The following ZBED6 variants were observed in gnomAD, a reference collection of about 807,000 sequenced individuals.
ZBED6 encodes the protein zinc finger BED domain-containing protein 6.
Under a neutral mutation model 58.4 loss-of-function variants are expected in ZBED6, and 40 were observed. The ratio of observed to expected loss-of-function variants is 0.68; its 90% CI spans 0.53 to 0.89. The LOEUF (loss-of-function observed/expected upper bound fraction) is 0.89. Ranked by LOEUF, ZBED6 falls within the 40% of genes least tolerant of loss-of-function variation. ZBED6 has a pLI of 0.00. For missense variants in ZBED6, 1,057 were observed against 1,003.9 expected (o/e 1.05, Z -0.71); for synonymous variants, 439 against 350.6 (o/e 1.25, Z -2.82).
exon 1 of ZBED6, chr1:203,799,742 T>A: frequency 1.3e-6 from 1 of 799,420 alleles, no homozygotes; most frequent in East Asian, 2.7e-5. Context: ...AGGCCCTCAA[T>A]CTGGTGGATA....
At chr1:203,842,924 CT>C (rs35820616) in intron 11 of ZBED6, among the ~76,000 whole-genome samples, 8 of 146,748 alleles carry the variant, frequency 5.5e-5, no homozygotes, top group East Asian at 2.0e-4. Context: ...AGCCTTCCGT[CT>C]TTTTTTTTTT....
chr1:203,850,740 C>CT lies in ZBED6; in HGVS notation c.*4805+60dup, dbSNP rs1689058324. Reference sequence around the variant, plus strand: ...CTGTGTGGTAGGAAAGCAGGAAAGACTAACTCTCCACTAGCATTCTATCTT... The same window carrying CT: ...CTGTGTGGTAGGAAAGCAGGAAAGACTTAACTCTCCACTAGCATTCTATCTT... On this transcript the variant is annotated intron_variant, in intron 15 of 16. Transcript: ENST00000550078. 5.7e-6 allele frequency: 9 copies of CT among 1,569,188 alleles called. No homozygotes were observed. In the South Asian group the frequency reaches 1.0e-4, roughly 18 times the overall value.
At position 203,850,958 on chromosome 1, in the gene ZBED6, A is replaced by C. The variant is rs1193737937; in HGVS notation, c.*4806-99A>C. 3.6e-6 allele frequency: 5 copies of C among 1,398,826 alleles called. No individual in the cohort carries two copies. In the East Asian group the frequency reaches 9.1e-5, roughly 26 times the overall value. 86.7% of individuals were successfully genotyped at this position (1,398,826 alleles called of 1,614,324 possible). Reference sequence around the variant, plus strand: ...GATTCTTAGATTCACAGGCTTAAAGAATCATAGCCACAATTCTAAGAAGGC... The same window carrying C: ...GATTCTTAGATTCACAGGCTTAAAGCATCATAGCCACAATTCTAAGAAGGC... On this transcript the variant is annotated intron_variant, in intron 15 of 16. Transcript: ENST00000550078.
At chr1:203,820,637 C>T (rs995460893) in intron 3 of ZBED6, among the ~76,000 whole-genome samples, 10 of 152,010 alleles carry the variant, frequency 6.6e-5, no homozygotes, top group African/African-American at 2.2e-4. Context: ...CTCACCACAC[C>T]CGTCTAATTT....
At chr1:203,820,153 T>G (rs914431081) in intron 3 of ZBED6, among the ~76,000 whole-genome samples, 2 of 151,362 alleles carry the variant, frequency 1.3e-5, no homozygotes, top group East Asian at 4.0e-4. Context: ...GAGAATCGCT[T>G]GAACCTGGGA....
intron 1 of ZBED6, among the ~76,000 whole-genome samples, chr1:203,805,142 G>A (rs1671863433): frequency 1.0e-5 from 1 of 99,490 alleles, no homozygotes; most frequent in African/African-American, 3.7e-5. Flanking sequence ...ATACAGTAGT[G>A]ATTTTTTTTT....
chr1:203,820,783 A>G (rs1402545132), intron 3 of ZBED6, among the ~76,000 whole-genome samples: 1 of 151,998 alleles, frequency 6.6e-6, no homozygotes, highest in Non-Finnish European at 1.5e-5. Context: ...GGCGAATGGT[A>G]TTTTTGTTGC....
intron 3 of ZBED6, among the ~76,000 whole-genome samples, chr1:203,827,722 A>G (rs1051342728): frequency 6.6e-6 from 1 of 151,976 alleles, no homozygotes; most frequent in South Asian, 2.1e-4. Context: ...AAGGATACCT[A>G]ACATCCTTAG....
At chr1:203,839,614 A>G (rs1267539233) in intron 10 of ZBED6, among the ~76,000 whole-genome samples, 2 of 152,106 alleles carry the variant, frequency 1.3e-5, no homozygotes, top group Non-Finnish European at 2.9e-5. Flanking sequence ...TCTTTGCCAC[A>G]TTGTTTTCCT....
chr1:203,846,916 A>G (rs1688056850), intron 11 of ZBED6, among the ~76,000 whole-genome samples: 1 of 152,072 alleles, frequency 6.6e-6, no homozygotes, highest in African/African-American at 2.4e-5. Context: ...AGGCAGGAGA[A>G]TCACTTGAAC....
intron 1 of ZBED6, chr1:203,805,923 C>A: frequency 1.5e-6 from 1 of 666,094 alleles, no homozygotes; most frequent in Non-Finnish European, 2.8e-6. Context: ...TGTCTACCTT[C>A]ATTTCCTTTG....
chr1:203,809,175 T>TTG (rs1673431156), intron 1 of ZBED6, among the ~76,000 whole-genome samples: 1 of 136,368 alleles, frequency 7.3e-6, no homozygotes, highest in Non-Finnish European at 1.6e-5. Context: ...TCTCACTGTT[T>TTG]TTTTTTTTTT....
exon 12 of ZBED6, chr1:203,847,496 G>T: frequency 6.2e-7 from 1 of 1,613,964 alleles, no homozygotes; most frequent in Non-Finnish European, 8.5e-7. Flanking sequence ...ATTGTTGCCA[G>T]CAGAGGACAA....
chr1:203,828,539 C>A, intron 4 of ZBED6, 117 bp downstream of exon 4: 1 of 1,269,898 alleles, frequency 7.9e-7, no homozygotes. Flanking sequence ...AGAATTATTT[C>A]CACTTTACAG....
chr1:203,822,009 G>A (rs147506895), intron 3 of ZBED6, among the ~76,000 whole-genome samples: 2,572 of 152,058 alleles, frequency 0.017, 69 homozygotes, highest in African/African-American at 0.054. Context: ...CGCCCGCCTT[G>A]GCCTCCCAAA....
chr1:203,800,400 C>G, exon 1 of ZBED6: 1 of 1,173,226 alleles, frequency 8.5e-7, no homozygotes, highest in African/African-American at 1.5e-5. Flanking sequence ...TACGTTGGTT[C>G]TGAGCTGGGA....
rs1266165633 is a variant in ZBED6 at position 203,819,075 on chromosome 1, A to AT, written c.*2873+386_*2873+387insT. On this transcript the variant is annotated intron_variant, in intron 3 of 16. Transcript: ENST00000550078. ...AGAGCAACACTCCGTCTCAAAAAAA[A>AT]AAATATATATATATACACACACACA... Among the ~76,000 whole-genome samples the AT allele has an allele frequency of 1.8e-3, 163 of 92,562 alleles. 1 individual carries two copies. The highest frequency in any genetic ancestry group is 0.014 in the East Asian group (47 of 3,350). The allele number at this position is 92,562 out of a possible 152,430, so 60.7% of individuals were successfully genotyped here.
chr1:203,823,578 A>G (rs989176093), intron 3 of ZBED6, among the ~76,000 whole-genome samples: 2 of 152,254 alleles, frequency 1.3e-5, no homozygotes, highest in Non-Finnish European at 2.9e-5. Context: ...TGGAGCGTCT[A>G]AAAGCCAAGG....
In ZBED6 at chr1:203,806,547, C is replaced by G. The variant is rs556273888; in HGVS notation, c.*2554+3531C>G. On this transcript the variant is annotated intron_variant, in intron 1 of 16. Coordinates refer to ENST00000550078, the Ensembl canonical transcript of ZBED6. ...TGAGCTCCTGGACTCAAGTGATCAG[C>G]CCACCTAGGCCTCCCAAAGTGCTGG... Among the ~76,000 whole-genome samples the G allele has an allele frequency of 3.9e-5, 6 of 152,258 alleles. No individual in the cohort carries two copies. In the East Asian group the frequency reaches 1.2e-3, roughly 29 times the overall value.
Sources: gnomAD v4.1 joint callset for allele counts (sites outside exome capture counted in the v4.1 genomes callset) on GRCh38, gnomAD v4.1.1 for gene constraint, MANE v1.5 for transcripts, NCBI Gene and HGNC (gene_info 2026-07-23, HGNC 2026-07-21) for gene names.